SPTA1: variants seen among roughly 807,000 people sequenced by gnomAD.
The protein encoded by SPTA1 is spectrin alpha chain, erythrocytic 1.
In SPTA1, 177 loss-of-function variants were observed where a neutral mutation model predicts 324.7. The ratio of observed to expected loss-of-function variants is 0.55; its 90% CI spans 0.48 to 0.62. The LOEUF is 0.62. Ranked by LOEUF, SPTA1 falls within the 20% of genes least tolerant of loss-of-function variation. The probability of loss-of-function intolerance (pLI) is 0.00; values close to 1 mark genes in which losing one functional copy is unlikely to be tolerated. For missense variants in SPTA1, 3,162 were observed against 2,883.6 expected (o/e 1.10, Z -2.21); for synonymous variants, 1,195 against 1,041.3 (o/e 1.15, Z -2.84).
At chr1:158,629,187 C>CTCTA (rs71084281) in intron 39 of SPTA1, among the ~76,000 whole-genome samples, 36,016 of 147,904 alleles carry the variant, frequency 0.24, 4,453 homozygotes, top group East Asian at 0.33. Flanking sequence ...CAAAATATAT[C>CTCTA]TCTATCTATC....
At position 158,636,023 on chromosome 1, in the gene SPTA1, A is replaced by C; in HGVS notation, c.5322T>G (p.Asp1774Glu). Residue 1774 changes from aspartate to glutamate, a missense_variant, in exon 38 of 52, where the codon GAT (aspartate) becomes GAG (glutamate). Coordinates refer to ENST00000643759, the MANE Select transcript of SPTA1 (RefSeq NM_003126.4). The part of the protein sequence containing the change: ...AHEPAIQNVL[D>E]MAEKLKDKAA... The stretch of plus-strand genomic sequence containing the variant: ...CCTTGTCTTTCAGCTTCTCTGCCAT[A>C]TCCAGCACATTCTGAAGAACAACCC... 1 of 1,614,062 alleles carries C rather than the reference A, an allele frequency of 6.2e-7. No individual in the cohort carries two copies. Among genetic ancestry groups the C allele is most frequent in the South Asian group, 1.1e-5 (1 of 91,084 alleles).
intron 15 of SPTA1, 56 bp downstream of exon 15, chr1:158,667,802 G>A: frequency 6.4e-7 from 1 of 1,564,132 alleles, no homozygotes; most frequent in Non-Finnish European, 8.7e-7. Flanking sequence ...TAAAGATAAA[G>A]GTAGTAGATT....
chr1:158,613,609 C>T lies in SPTA1; in HGVS notation c.6989+112G>A, dbSNP rs577054532. ...CTAATTCATTTATGGTTGCCTATTTCTTCCTATTTTCAGATGAGTTAATTT... is the reference window on the plus strand; with the variant it reads ...CTAATTCATTTATGGTTGCCTATTTTTTCCTATTTTCAGATGAGTTAATTT... On this transcript the variant is annotated intron_variant, in intron 50 of 51. Transcript: ENST00000643759. The T allele has an allele frequency of 2.7e-6, 4 of 1,500,488 alleles. No individual in the cohort carries two copies. In the African/African-American group the frequency reaches 4.1e-5, roughly 15 times the overall value. The allele number at this position is 1,500,488 out of a possible 1,614,324, so 92.9% of individuals were successfully genotyped here.
rs1402374196 is a variant in SPTA1, at chr1:158,653,257, C to T, written c.3188+17G>A. On this transcript the variant is annotated intron_variant, in intron 22 of 51. Coordinates refer to ENST00000643759, the MANE Select transcript of SPTA1 (RefSeq NM_003126.4). ...TCTGACCAAATACTGTTCAGTTCTC[C>T]AGGCTCCAGAACTTACTGGTTCTCA... 3.1e-6 allele frequency: 5 copies of T among 1,614,070 alleles called. No homozygotes were observed. In the East Asian group the frequency reaches 1.1e-4, roughly 36 times the overall value.
intron 16 of SPTA1, among the ~76,000 whole-genome samples, chr1:158,665,626 G>A (rs1188769456): frequency 6.6e-6 from 1 of 152,064 alleles, no homozygotes; most frequent in African/African-American, 2.4e-5. Flanking sequence ...TTATGATGTT[G>A]GAGAAAATAT....
At position 158,669,542 on chromosome 1, in the gene SPTA1, G is replaced by A. The variant is rs1225714660; in HGVS notation, c.1699C>T (p.Leu567=). 17 of 1,614,084 alleles carry A rather than the reference G, an allele frequency of 1.1e-5. No individual in the cohort carries two copies. The highest frequency in any genetic ancestry group is 1.4e-5 in the Non-Finnish European group (17 of 1,179,992). ...CGTCTAGTGGCAGCCTTTTCACGTA[G>A]GGCATCCCGCCGGGCTAACAGCTGC... The part of the protein sequence containing the change: ...RDGLLARRDA[L]REKAATRRRL... The change falls in exon 14 of 52, where the codon CTA becomes TTA. Residue 567 remains leucine, a synonymous_variant. Transcript: ENST00000643759.
In SPTA1 at chr1:158,644,289, C is replaced by T. The variant is rs77182042; in HGVS notation, c.4302G>A (p.Lys1434=). 887 of 1,613,916 alleles carry T rather than the reference C, an allele frequency of 5.5e-4. 4 individuals are homozygous for T. The African/African-American group carries it at 8.6e-3, about 16-fold the overall frequency. Residue 1434 remains lysine, a synonymous_variant, in exon 30 of 52, where the codon AAG becomes AAA. Coordinates refer to ENST00000643759, the MANE Select transcript of SPTA1 (RefSeq NM_003126.4). ...TTGCTTTGTCCAAATCGTCCCGTTT[C>T]TTCATCAAAGCCTCCAGACTGTCTA... ...SSLDSLEALM[K]KRDDLDKAIT... is the part of the protein sequence containing the mutation.
chr1:158,644,249 T>C lies in SPTA1; in HGVS notation c.4338+4A>G, dbSNP rs777186262. ...ATTTTAATTCCTTTACTAGTCATTA[T>C]TACCTGGGCAGTGATTGCTTTGTCC... On this transcript the variant is annotated splice_donor_region_variant and intron_variant, in intron 30 of 51. Coordinates refer to ENST00000643759, the MANE Select transcript of SPTA1 (RefSeq NM_003126.4). The C allele has an allele frequency of 1.9e-6, 3 of 1,613,810 alleles. No homozygotes were observed. Among genetic ancestry groups the C allele is most frequent in the East Asian group, 2.2e-5 (1 of 44,864 alleles).
chr1:158,612,696 A>T, intron 51 of SPTA1, 121 bp downstream of exon 51: 2 of 1,048,798 alleles, frequency 1.9e-6, no homozygotes, highest in Non-Finnish European at 2.9e-6. Flanking sequence ...ATCTTGTGAA[A>T]GGGGAGGTCT....
intron 2 of SPTA1, 124 bp from the exon 3 acceptor site, chr1:158,683,620 A>G: frequency 7.8e-7 from 1 of 1,277,378 alleles, no homozygotes; most frequent in Admixed American, 1.9e-5. Context: ...CATAAAGAGT[A>G]TTTTCCTGTC....
chr1:158,620,510 C>T, intron 43 of SPTA1, 44 bp from the exon 44 acceptor site: 1 of 1,609,942 alleles, frequency 6.2e-7, no homozygotes, highest in Non-Finnish European at 8.5e-7. Context: ...CCTGATAAAG[C>T]CTCTCAGCAG....
At chr1:158,680,457 AG>A in intron 5 of SPTA1, 125 bp downstream of exon 5, 2 of 1,374,266 alleles carry the variant, frequency 1.5e-6, no homozygotes, top group Non-Finnish European at 2.0e-6. Context: ...ATGTTACTCC[AG>A]GAACATGCCA....
intron 25 of SPTA1, 43 bp downstream of exon 25, chr1:158,649,813 T>C: frequency 6.8e-7 from 1 of 1,479,056 alleles, no homozygotes; most frequent in Non-Finnish European, 9.4e-7. Flanking sequence ...GTTTAGTGAG[T>C]GGGTTTTAAA....
At chr1:158,647,794 C>T in intron 26 of SPTA1, 74 bp from the exon 27 acceptor site, 1 of 1,533,456 alleles carries the variant, frequency 6.5e-7, no homozygotes, top group Non-Finnish European at 9.0e-7. Context: ...AATCCTGAGT[C>T]CCAGTATTCA....
rs1652840201 is a variant in SPTA1 at position 158,656,554 on chromosome 1, T to G, written c.2898+10A>C. 2.5e-6 allele frequency: 4 copies of G among 1,610,842 alleles called. No individual in the cohort carries two copies. The highest frequency in any genetic ancestry group is 2.5e-6 in the Non-Finnish European group (3 of 1,177,420). ...AAGTGTGAATCCTGTCATCGCTAAG[T>G]TAGTCTTACCTGGCAGGCGTTTGCC... On this transcript the variant is annotated intron_variant, in intron 20 of 51. Transcript: ENST00000643759.
At chr1:158,684,656 T>G (rs1655041217) in intron 2 of SPTA1, among the ~76,000 whole-genome samples, 1 of 152,134 alleles carries the variant, frequency 6.6e-6, no homozygotes, top group South Asian at 2.1e-4. Flanking sequence ...AGATATACAC[T>G]TACATTACCA....
rs1477197193 is a variant in SPTA1 at position 158,685,252 on chromosome 1, C to T, written c.120G>A (p.Glu40=). The T allele has an allele frequency of 6.2e-7, 1 of 1,613,584 alleles. No individual in the cohort carries two copies. Among genetic ancestry groups the T allele is most frequent in the East Asian group, 2.2e-5 (1 of 44,864 alleles). The change falls in exon 2 of 52, where the codon GAG becomes GAA. Residue 40 remains glutamate (E), a synonymous_variant. Transcript: ENST00000643759. The part of the protein sequence containing the change: ...EVLTRYQSFK[E]RVAERGQKLE... Reference sequence around the variant, plus strand: ...GCTTCTGACCCCTCTCAGCGACCCGCTCCTTGAAACTTTGATACCGAGTCA... The same window carrying T: ...GCTTCTGACCCCTCTCAGCGACCCGTTCCTTGAAACTTTGATACCGAGTCA...
intron 15 of SPTA1, 37 bp from the exon 16 acceptor site, chr1:158,666,534 A>C: frequency 1.3e-6 from 2 of 1,570,774 alleles, no homozygotes; most frequent in South Asian, 2.2e-5. Context: ...ATTAGGTACC[A>C]TAACTATTCC....
chr1:158,623,032 G>T lies in SPTA1; in HGVS notation c.6071C>A (p.Ser2024Ter). 6.2e-7 allele frequency: 1 copy of T among 1,614,106 alleles called. No individual in the cohort carries two copies. Among genetic ancestry groups the T allele is most frequent in the Non-Finnish European group, 8.5e-7 (1 of 1,180,018 alleles). The change falls in exon 43 of 52, where the codon TCG becomes TAG. Residue 2024 changes from serine (S) to a stop codon, truncating the protein, a stop_gained. Coordinates refer to ENST00000643759, the MANE Select transcript of SPTA1 (RefSeq NM_003126.4). LOFTEE classifies it high-confidence loss of function. The stretch of plus-strand genomic sequence containing the variant: ...CAGCAATTTCTGTCTGTGGACTGCC[G>T]AGGCTTCCAGCAACTGTTCCCAGCG... ...LKRWEQLLEA[S>*]AVHRQKLLEK...
Sources: gnomAD v4.1 joint callset for allele counts (sites outside exome capture counted in the v4.1 genomes callset) on GRCh38, gnomAD v4.1.1 for gene constraint, MANE v1.5 for transcripts, NCBI Gene and HGNC (gene_info 2026-07-23, HGNC 2026-07-21) for gene names.